The following S1PR3 variants were observed in gnomAD, a reference collection of about 807,000 sequenced individuals.
The protein encoded by S1PR3 is sphingosine-1-phosphate receptor 3, also known as sphingosine 1-phosphate receptor 3.
S1PR3 carries 12 observed loss-of-function variants against 13.3 expected under a neutral mutation model. That is an observed-to-expected ratio of 0.90 (90% CI 0.58 to 1.46). The LOEUF (loss-of-function observed/expected upper bound fraction) is 1.46. Among genes scored for constraint, S1PR3 ranks in the 40% most tolerant of loss-of-function variants. The pLI is 0.00. For synonymous variants in S1PR3, 232 were observed against 214.0 expected, an observed-to-expected ratio of 1.08 and a Z score of -0.73; for missense variants, 450 against 501.9, an observed-to-expected ratio of 0.90 and a Z score of 0.99.
rs1309821687 is a variant in S1PR3, at chr9:89,001,055, A to T, written c.-146A>T. ...CTCCCTCTTTTTATCTGTTGGCAGG[A>T]GCCCTTTTTCAACGCCCTCGCTGGA... On this transcript the variant is annotated splice_region_variant and 5_prime_UTR_variant, in exon 2 of 2. Transcript: ENST00000358157. The T allele has an allele frequency of 2.3e-6, 2 of 854,700 alleles. No individual in the cohort carries two copies. Among genetic ancestry groups the T allele is most frequent in the Admixed American group, 5.0e-5 (2 of 40,120 alleles). 52.9% of individuals were successfully genotyped at this position (854,700 alleles called of 1,614,324 possible). A position where few individuals can be genotyped will look rare whatever the true frequency, so the allele number is the denominator to read the frequency against.
rs373695744 is a variant in S1PR3 at position 89,002,246 on chromosome 9, C to A, written c.1046C>A (p.Pro349Gln). The A allele has an allele frequency of 3.1e-6, 5 of 1,614,126 alleles. No individual in the cohort carries two copies. The highest frequency in any genetic ancestry group is 4.2e-6 in the Non-Finnish European group (5 of 1,180,030). ...SSSSNNSSHS[P>Q]KVKEDLPHTA... is the part of the protein sequence containing the mutation. Reference sequence around the variant, plus strand: ...AGCAGCAACAATAGCAGCCACTCTCCGAAGGTCAAGGAAGACCTGCCCCAC... The same window carrying A: ...AGCAGCAACAATAGCAGCCACTCTCAGAAGGTCAAGGAAGACCTGCCCCAC... The change falls in exon 2 of 2, where the codon CCG becomes CAG. Residue 349 changes from proline to glutamine, a missense_variant. Coordinates refer to ENST00000358157, the MANE Select transcript of S1PR3 (RefSeq NM_005226.4).
In S1PR3 at chr9:88,991,631, GCC is replaced by G; in HGVS notation, c.-209_-208del. The G allele has an allele frequency of 6.5e-7, 1 of 1,529,120 alleles. No homozygotes were observed. The highest frequency in any genetic ancestry group is 2.6e-5 in the East Asian group (1 of 39,050). 94.7% of individuals were successfully genotyped at this position (1,529,120 alleles called of 1,614,324 possible). On this transcript the variant is annotated 5_prime_UTR_variant, in exon 1 of 2. Transcript: ENST00000358157. This position sits in a 1 kb window ranked among gnomAD's most constrained non-coding sequence, Gnocchi z 4.0. The stretch of plus-strand genomic sequence containing the variant: ...CTGGCATTCGAGCGCAGGACCGGGC[GCC>G]CCGGCACCGCCGCGCGCCACCCGCT...
chr9:88,994,337 G>C (rs887609212), intron 1 of S1PR3: 3 of 167,142 alleles, frequency 1.8e-5, no homozygotes, highest in Non-Finnish European at 4.4e-5. Context: ...CACGCATGCC[G>C]AGTCACCAGG....
rs1472357228 is a variant in S1PR3, at chr9:89,002,986, G to C, written c.*649G>C. The C allele has an allele frequency of 1.2e-5, 2 of 168,800 alleles. No individual in the cohort carries two copies. Among genetic ancestry groups the C allele is most frequent in the Admixed American group, 1.3e-4 (2 of 15,674 alleles). The allele number at this position is 168,800 out of a possible 1,614,324, so 10.5% of individuals were successfully genotyped here. ...AAAGGCTTGTCCAAGGCTGGCCCCA[G>C]ATGTGTGGGTCTGACCCACACCAGC... On this transcript the variant is annotated 3_prime_UTR_variant, in exon 2 of 2. Transcript: ENST00000358157.
chr9:88,998,964 C>T (rs538610659), intron 1 of S1PR3: 97 of 152,538 alleles, frequency 6.4e-4, no homozygotes, highest in Non-Finnish European at 1.2e-3. Flanking sequence ...AGGCAGGCCC[C>T]GGGCCCTGCG....
At chr9:88,998,101 CA>C (rs1285914209) in intron 1 of S1PR3, 5 of 152,220 alleles carry the variant, frequency 3.3e-5, no homozygotes, top group Non-Finnish European at 5.9e-5. Flanking sequence ...GGCCCCTGAT[CA>C]GGGGTGGAAA....
In S1PR3 at chr9:89,001,310, A is replaced by T; in HGVS notation, c.110A>T (p.Glu37Val). 1 of 1,614,194 alleles carries T rather than the reference A, an allele frequency of 6.2e-7. No homozygotes were observed. The highest frequency in any genetic ancestry group is 8.5e-7 in the Non-Finnish European group (1 of 1,180,052). ...GCGGGCAGGCTGAAGGAGGCCTCCGAGGGCAGCACGCTCACCACCGTGCTC... is the reference window on the plus strand; with the variant it reads ...GCGGGCAGGCTGAAGGAGGCCTCCGTGGGCAGCACGCTCACCACCGTGCTC... ...KLAGRLKEAS[E>V]GSTLTTVLFL... Residue 37 changes from glutamate to valine, a missense_variant, in exon 2 of 2, where the codon GAG (glutamate) becomes GTG (valine). Coordinates refer to ENST00000358157, the MANE Select transcript of S1PR3 (RefSeq NM_005226.4).
chr9:88,995,213 A>C (rs1365869125), intron 1 of S1PR3: 1 of 167,100 alleles, frequency 6.0e-6, no homozygotes, highest in East Asian at 1.9e-4. Context: ...AGCATCCTGC[A>C]TCTGACCAAG....
Position 89,004,973 on chromosome 9 carries a change from AT to A in S1PR3, c.*2637del, listed in dbSNP as rs1825918983. 1 of 166,942 alleles carries A rather than the reference AT, an allele frequency of 6.0e-6. No homozygotes were observed. Among genetic ancestry groups the A allele is most frequent in the African/African-American group, 2.4e-5 (1 of 41,442 alleles). The allele number at this position is 166,942 out of a possible 1,614,324, so 10.3% of individuals were successfully genotyped here. The stretch of plus-strand genomic sequence containing the variant: ...TATTTCCAATGTATGTTTGTTAAAA[AT>A]AATAATAATAAAACCAAAAGCCTTT... On this transcript the variant is annotated 3_prime_UTR_variant, in exon 2 of 2. Transcript: ENST00000358157.
At chr9:88,991,112 G>A (rs1423270947), upstream of S1PR3, 6 of 1,612,934 alleles carry the variant, frequency 3.7e-6, no homozygotes, top group East Asian at 1.3e-4. This position sits in a 1 kb window ranked among gnomAD's most constrained non-coding sequence, Gnocchi z 4.0. Context: ...CCTCGGACCT[G>A]GTTCCAAGCC....
chr9:89,002,005 T>C lies in S1PR3; in HGVS notation c.805T>C (p.Cys269Arg), dbSNP rs1231387540. The change falls in exon 2 of 2, where the codon TGC (cysteine) becomes CGC (arginine). Residue 269 changes from cysteine to arginine, a missense_variant. Transcript: ENST00000358157. Reference sequence around the variant, plus strand: ...CATCCTCTTCCTCATTGATGTGGCCTGCAGGGTGCAGGCGTGCCCCATCCT... The same window carrying C: ...CATCCTCTTCCTCATTGATGTGGCCCGCAGGGTGCAGGCGTGCCCCATCCT... ...LFILFLIDVACRVQACPILFK... is the reference protein window; with the variant it reads ...LFILFLIDVARRVQACPILFK... 1 of 1,614,162 alleles carries C rather than the reference T, an allele frequency of 6.2e-7. No individual in the cohort carries two copies. The highest frequency in any genetic ancestry group is 8.5e-7 in the Non-Finnish European group (1 of 1,180,024).
intron 1 of S1PR3, chr9:88,996,848 C>T (rs372431884): frequency 6.6e-6 from 1 of 152,304 alleles, no homozygotes; most frequent in East Asian, 1.9e-4. Flanking sequence ...GGCTTGCTGA[C>T]TCCAGGAGCC....
chr9:88,995,379 A>G (rs1470204642), intron 1 of S1PR3: 1 of 167,014 alleles, frequency 6.0e-6, no homozygotes, highest in Admixed American at 6.5e-5. Context: ...GGGTAGAGAA[A>G]GCGAATCGCT....
In S1PR3 at chr9:89,004,016, C is replaced by T. The variant is rs1002425829; in HGVS notation, c.*1679C>T. ...AGCATTTCTGTTGCCTTCTTGACAT[C>T]AATGAAAAGTAGCATATTCTCTTAT... On this transcript the variant is annotated 3_prime_UTR_variant, in exon 2 of 2. Transcript: ENST00000358157. 1 of 166,998 alleles carries T rather than the reference C, an allele frequency of 6.0e-6. No individual in the cohort carries two copies. The highest frequency in any genetic ancestry group is 6.5e-5 in the Admixed American group (1 of 15,272). The allele number at this position is 166,998 out of a possible 1,614,324, so 10.3% of individuals were successfully genotyped here. A position where few individuals can be genotyped will look rare whatever the true frequency, so the allele number is the denominator to read the frequency against.
rs2118610343 is a variant in S1PR3, at chr9:89,004,236, T to C, written c.*1899T>C. 6.6e-6 allele frequency: 1 copy of C among 152,202 alleles called. No homozygotes were observed. Among genetic ancestry groups the C allele is most frequent in the Admixed American group, 6.5e-5 (1 of 15,282 alleles). 9.4% of individuals were successfully genotyped at this position (152,202 alleles called of 1,614,324 possible). A position where few individuals can be genotyped will look rare whatever the true frequency, so the allele number is the denominator to read the frequency against. On this transcript the variant is annotated 3_prime_UTR_variant, in exon 2 of 2. Coordinates refer to ENST00000358157, the MANE Select transcript of S1PR3 (RefSeq NM_005226.4). Reference sequence around the variant, plus strand: ...CAACATAGTGAAATCCTGTTTCTACTAAAAATACAAAAATTAGCTGGATGC... The same window carrying C: ...CAACATAGTGAAATCCTGTTTCTACCAAAAATACAAAAATTAGCTGGATGC...
chr9:88,991,802 T>C lies in S1PR3; in HGVS notation c.-148+107T>C, dbSNP rs773484834. 4 of 1,605,234 alleles carry C rather than the reference T, an allele frequency of 2.5e-6. No homozygotes were observed. The South Asian group carries it at 4.4e-5, about 18-fold the overall frequency. The stretch of plus-strand genomic sequence containing the variant: ...ACCGATCCCGGGCGCGACGGGGACT[T>C]GGGCGCGCCACGGCGGCCGGAGCGC... On this transcript the variant is annotated intron_variant, in intron 1 of 1. Coordinates refer to ENST00000358157, the MANE Select transcript of S1PR3 (RefSeq NM_005226.4). This position sits in a 1 kb window ranked among gnomAD's most constrained non-coding sequence, Gnocchi z 4.0.
chr9:88,992,224 T>C (rs2118576249), intron 1 of S1PR3: 1 of 596,204 alleles, frequency 1.7e-6, no homozygotes, highest in Non-Finnish European at 2.9e-6. Context: ...GTAACTGAGA[T>C]AACAGCTAGA....
intron 1 of S1PR3, among the ~76,000 whole-genome samples, chr9:88,996,340 A>G (rs1310239135): frequency 2.6e-5 from 4 of 152,184 alleles, no homozygotes; most frequent in African/African-American, 7.2e-5. Context: ...AACATCCTCA[A>G]TCAATCCCAG....
upstream of S1PR3, chr9:88,991,458 T>C: frequency 6.5e-7 from 1 of 1,546,258 alleles, no homozygotes; most frequent in Non-Finnish European, 8.7e-7. The surrounding 1 kb of genome is among the most constrained non-coding windows in gnomAD (Gnocchi z 4.0). Flanking sequence ...AGTCTCTGAC[T>C]CGCTCGGGCA....
Sources: allele counts gnomAD v4.1 joint callset (sites outside exome capture counted in the v4.1 genomes callset), GRCh38; gene constraint gnomAD v4.1.1; non-coding constraint Gnocchi (gnomAD v3.1); transcripts MANE v1.5; gene names NCBI Gene and HGNC (gene_info 2026-07-23, HGNC 2026-07-21).